Variants in CADPS observed in about 807,000 individuals in gnomAD.
CADPS encodes the protein calcium dependent secretion activator.
CADPS carries 57 observed loss-of-function variants against 167.3 expected under a neutral mutation model. The ratio of observed to expected loss-of-function variants is 0.34; its 90% CI spans 0.28 to 0.42. The LOEUF (loss-of-function observed/expected upper bound fraction) is 0.42. Among genes scored for constraint, CADPS ranks in the 20% least tolerant of loss-of-function variants. The pLI is 1.00. For missense variants in CADPS, 1,414 were observed against 1,738.1 expected (o/e 0.81, Z 3.32); for synonymous variants, 676 against 635.3 (o/e 1.06, Z -0.96).
chr3:62,763,774 G>T (rs2152491647), intron 2 of CADPS, among the ~76,000 whole-genome samples: 1 of 152,296 alleles, frequency 6.6e-6, no homozygotes, highest in Admixed American at 6.5e-5. Context: ...ACTCTCCAAA[G>T]TATTTACTAA....
chr3:62,588,069 C>T (rs903388120), intron 7 of CADPS, among the ~76,000 whole-genome samples: 12 of 152,196 alleles, frequency 7.9e-5, no homozygotes, highest in Non-Finnish European at 1.8e-4. Flanking sequence ...GACCCACCCC[C>T]TGAAGTAGCT....
At chr3:62,619,714 G>C (rs2062867772) in intron 6 of CADPS, among the ~76,000 whole-genome samples, 1 of 152,110 alleles carries the variant, frequency 6.6e-6, no homozygotes, top group Admixed American at 6.6e-5. Flanking sequence ...CGCCTCTTTG[G>C]AATACTTGGA....
chr3:62,592,926 G>A (rs1210348985), intron 6 of CADPS, among the ~76,000 whole-genome samples, 178 bp from the exon 7 acceptor site: 1 of 152,186 alleles, frequency 6.6e-6, no homozygotes, highest in Admixed American at 6.5e-5. Context: ...AACTTGTTAG[G>A]CAAATGAAAG....
At chr3:62,603,379 G>A (rs2060238951) in intron 6 of CADPS, among the ~76,000 whole-genome samples, 2 of 152,224 alleles carry the variant, frequency 1.3e-5, no homozygotes, top group Non-Finnish European at 2.9e-5. Flanking sequence ...TAAGGACAGA[G>A]ACCAAGTCCA....
intron 13 of CADPS, among the ~76,000 whole-genome samples, chr3:62,527,731 C>A (rs2072653436): frequency 6.6e-6 from 1 of 152,064 alleles, no homozygotes. Flanking sequence ...TCTGCCTCTG[C>A]CGGTGGAAAT....
At chr3:62,480,954 C>G (rs1362625401) in intron 22 of CADPS, among the ~76,000 whole-genome samples, 1 of 152,194 alleles carries the variant, frequency 6.6e-6, no homozygotes, top group Non-Finnish European at 1.5e-5. Context: ...CCCCAAACTG[C>G]TGGCTTTCAA....
At chr3:62,632,862 A>T (rs1047137559) in intron 6 of CADPS, among the ~76,000 whole-genome samples, 2 of 152,130 alleles carry the variant, frequency 1.3e-5, no homozygotes, top group African/African-American at 4.8e-5. Context: ...TGGAAAAAGA[A>T]CAAATTTGGT....
At chr3:62,422,696 T>C (rs372570702) in intron 28 of CADPS, among the ~76,000 whole-genome samples, 30 of 152,340 alleles carry the variant, frequency 2.0e-4, no homozygotes, top group African/African-American at 7.2e-4. Flanking sequence ...ACTCCATTTG[T>C]ATTATGCACA....
chr3:62,436,209 T>C (rs905100410), intron 28 of CADPS, among the ~76,000 whole-genome samples: 1 of 152,146 alleles, frequency 6.6e-6, no homozygotes, highest in Non-Finnish European at 1.5e-5. Flanking sequence ...GGTGGATTAT[T>C]TGTCAATTAA....
At chr3:62,807,878 TCTTTC>T (rs2094182829) in intron 1 of CADPS, among the ~76,000 whole-genome samples, 1 of 152,080 alleles carries the variant, frequency 6.6e-6, no homozygotes, top group African/African-American at 2.4e-5. Flanking sequence ...TTTCTTTCTT[TCTTTC>T]TTTTTTTTGA....
rs550393245 is a variant in CADPS, at chr3:62,601,513, A to T, written c.1326-8765T>A. 6.6e-6 allele frequency among the ~76,000 whole-genome samples: 1 copy of T among 152,306 alleles called. No individual in the cohort carries two copies. Among genetic ancestry groups the T allele is most frequent in the South Asian group, 2.1e-4 (1 of 4,824 alleles). ...CATCTGGGCATACCCACAAAGACGAACTATAAACATGCACTCACAAAGACA... is the reference window on the plus strand; with the variant it reads ...CATCTGGGCATACCCACAAAGACGATCTATAAACATGCACTCACAAAGACA... On this transcript the variant is annotated intron_variant, in intron 6 of 29. Transcript: ENST00000383710. This position sits in a 1 kb window ranked among gnomAD's most constrained non-coding sequence, Gnocchi z 4.3.
intron 3 of CADPS, among the ~76,000 whole-genome samples, chr3:62,685,452 A>T (rs2077830658): frequency 6.6e-6 from 1 of 152,014 alleles, no homozygotes; most frequent in African/African-American, 2.4e-5. Context: ...TGTTTAGAAG[A>T]GAGAGGGACC....
chr3:62,552,532 G>A (rs953683512), intron 10 of CADPS, among the ~76,000 whole-genome samples: 6 of 152,112 alleles, frequency 3.9e-5, no homozygotes, highest in Admixed American at 2.6e-4. Flanking sequence ...CAGGTTCCTC[G>A]TCGCCTCCTC....
intron 29 of CADPS, among the ~76,000 whole-genome samples, chr3:62,402,435 C>T (rs1353111231): frequency 6.6e-6 from 1 of 152,120 alleles, no homozygotes; most frequent in Non-Finnish European, 1.5e-5. Flanking sequence ...AATGTATTTA[C>T]CCCCTTCTGT....
At chr3:62,662,220 T>A (rs1016641726) in intron 4 of CADPS, 94 bp downstream of exon 4, 6 of 1,099,462 alleles carry the variant, frequency 5.5e-6, no homozygotes, top group Middle Eastern at 5.4e-4. Context: ...TCTCTGCTTC[T>A]CAGCTTTATC....
chr3:62,793,987 T>C (rs2093177881), intron 1 of CADPS, among the ~76,000 whole-genome samples: 1 of 152,120 alleles, frequency 6.6e-6, no homozygotes, highest in African/African-American at 2.4e-5. Flanking sequence ...GGCTTCCAAC[T>C]CAATTATCCC....
At chr3:62,631,472 C>T (rs1185663071) in intron 6 of CADPS, among the ~76,000 whole-genome samples, 2 of 152,166 alleles carry the variant, frequency 1.3e-5, no homozygotes, top group Non-Finnish European at 2.9e-5. Flanking sequence ...GTGCATTTCT[C>T]TGAATATTTT....
intron 28 of CADPS, among the ~76,000 whole-genome samples, chr3:62,426,554 A>G (rs2052726313): frequency 6.6e-6 from 1 of 152,236 alleles, no homozygotes; most frequent in Non-Finnish European, 1.5e-5. Context: ...TGTGCTTTAG[A>G]GGCATCGCCT....
chr3:62,545,408 A>G (rs1004273368), intron 11 of CADPS, among the ~76,000 whole-genome samples: 1 of 152,154 alleles, frequency 6.6e-6, no homozygotes, highest in Non-Finnish European at 1.5e-5. Flanking sequence ...TTGGCCTTAA[A>G]AATCGGGGAA....
Sources: allele counts gnomAD v4.1 joint callset (sites outside exome capture counted in the v4.1 genomes callset), GRCh38; gene constraint gnomAD v4.1.1; non-coding constraint Gnocchi (gnomAD v3.1); transcripts MANE v1.5; gene names NCBI Gene and HGNC (gene_info 2026-07-23, HGNC 2026-07-21).